Variants in ADAM22 observed in about 807,000 individuals in gnomAD.
The protein encoded by ADAM22 is ADAM metallopeptidase domain 22.
Under a neutral mutation model 144.6 loss-of-function variants are expected in ADAM22, and 65 were observed. That is an observed-to-expected ratio of 0.45 (90% CI 0.37 to 0.55). The LOEUF (loss-of-function observed/expected upper bound fraction) is 0.55. Among genes scored for constraint, ADAM22 ranks in the 20% least tolerant of loss-of-function variants. The pLI is 0.00. For synonymous variants in ADAM22, 391 were observed against 412.6 expected, an observed-to-expected ratio of 0.95 and a Z score of 0.63; for missense variants, 974 against 1,184.9, an observed-to-expected ratio of 0.82 and a Z score of 2.61.
chr7:87,982,778 T>A (rs1464457482), intron 3 of ADAM22, among the ~76,000 whole-genome samples: 1 of 147,726 alleles, frequency 6.8e-6, no homozygotes, highest in Non-Finnish European at 1.5e-5. Context: ...CACCACAATC[T>A]CTGCCTCCTG....
intron 12 of ADAM22, among the ~76,000 whole-genome samples, 187 bp from the exon 13 acceptor site, chr7:88,134,142 A>G (rs1035018281): frequency 1.4e-4 from 21 of 152,120 alleles, no homozygotes; most frequent in African/African-American, 4.3e-4. Context: ...CTAATCAAAC[A>G]TGGATTTTTG....
chr7:88,030,064 C>T (rs1441313405), intron 3 of ADAM22, among the ~76,000 whole-genome samples: 1 of 151,976 alleles, frequency 6.6e-6, no homozygotes, highest in East Asian at 1.9e-4. Context: ...TTCTACCTGC[C>T]CTCATCTCTA....
chr7:88,162,900 A>T, intron 22 of ADAM22, 112 bp from the exon 23 acceptor site: 1 of 1,093,110 alleles, frequency 9.1e-7, no homozygotes, highest in Non-Finnish European at 1.3e-6. Flanking sequence ...GGTCTTTAAT[A>T]AGTAATAAAT....
intron 2 of ADAM22, among the ~76,000 whole-genome samples, chr7:87,967,271 C>CA (rs1332649337): frequency 6.6e-6 from 1 of 152,066 alleles, no homozygotes; most frequent in Non-Finnish European, 1.5e-5. Context: ...ATAAAATCAA[C>CA]AGCAAGAATG....
rs1174053213 is a variant in ADAM22 at position 88,202,120 on chromosome 7, ACTTTT to A, written c.*5637_*5641del. Reference sequence around the variant, plus strand: ...GTATCACTGCCTGACTAGAAACCCCACTTTTCTTTTCTAATCCAGCACAAAATCAA... The same window carrying A: ...GTATCACTGCCTGACTAGAAACCCCACTTTTCTAATCCAGCACAAAATCAA... On this transcript the variant is annotated 3_prime_UTR_variant, in exon 32 of 32. Transcript: ENST00000413139. The A allele has an allele frequency of 1.3e-5, 2 of 152,136 alleles. No homozygotes were observed. Among genetic ancestry groups the A allele is most frequent in the East Asian group, 1.9e-4 (1 of 5,196 alleles). 9.4% of individuals were successfully genotyped at this position (152,136 alleles called of 1,614,324 possible).
At chr7:88,073,458 C>T (rs1813370431) in intron 3 of ADAM22, among the ~76,000 whole-genome samples, 1 of 152,160 alleles carries the variant, frequency 6.6e-6, no homozygotes. Context: ...CGTGAGCCAA[C>T]CCTGGAACTG....
chr7:88,038,686 C>T (rs1802146628), intron 3 of ADAM22, among the ~76,000 whole-genome samples: 1 of 151,930 alleles, frequency 6.6e-6, no homozygotes, highest in Admixed American at 6.6e-5. Flanking sequence ...ATCTCCTGAC[C>T]TCGTGATCCG....
At chr7:88,195,627 T>C (rs1372474764) in intron 31 of ADAM22, among the ~76,000 whole-genome samples, 1 of 152,168 alleles carries the variant, frequency 6.6e-6, no homozygotes, top group Non-Finnish European at 1.5e-5. Flanking sequence ...GCCATTCTCC[T>C]GCCTCAGCCT....
intron 6 of ADAM22, among the ~76,000 whole-genome samples, chr7:88,115,350 A>G (rs1585866094): frequency 6.6e-6 from 1 of 152,278 alleles, no homozygotes; most frequent in African/African-American, 2.4e-5. Flanking sequence ...GATCTGTCTT[A>G]GTTTGACTTG....
chr7:88,139,120 T>C (rs531160657), intron 14 of ADAM22, among the ~76,000 whole-genome samples: 23 of 152,302 alleles, frequency 1.5e-4, no homozygotes, highest in Non-Finnish European at 2.5e-4. Context: ...ACCAGTAGGA[T>C]AAAGAGGGAC....
At chr7:88,095,566 C>G (rs565831984) in intron 4 of ADAM22, among the ~76,000 whole-genome samples, 28 of 152,216 alleles carry the variant, frequency 1.8e-4, no homozygotes, top group African/African-American at 6.7e-4. Context: ...GTAAGCGCAT[C>G]CTCCACACAG....
At chr7:88,080,684 GA>G (rs1458741725) in intron 4 of ADAM22, among the ~76,000 whole-genome samples, 1 of 152,094 alleles carries the variant, frequency 6.6e-6, no homozygotes, top group Non-Finnish European at 1.5e-5. Context: ...CGATCCCACA[GA>G]AATACAAACT....
chr7:88,064,091 A>C (rs1275111771), intron 3 of ADAM22, among the ~76,000 whole-genome samples: 1 of 152,190 alleles, frequency 6.6e-6, no homozygotes, highest in African/African-American at 2.4e-5. Context: ...GTTAGTCCAG[A>C]TGTGAGCAGG....
intron 2 of ADAM22, among the ~76,000 whole-genome samples, chr7:87,958,856 C>T (rs898409563): frequency 2.0e-4 from 31 of 152,042 alleles, no homozygotes; most frequent in African/African-American, 6.8e-4. Flanking sequence ...TTTTTCTTGT[C>T]GATTTTTGGC....
At chr7:88,072,840 G>A (rs1468550614) in intron 3 of ADAM22, among the ~76,000 whole-genome samples, 1 of 152,142 alleles carries the variant, frequency 6.6e-6, no homozygotes, top group Non-Finnish European at 1.5e-5. Flanking sequence ...ACAGTCCTTT[G>A]CAAACACCTG....
intron 3 of ADAM22, among the ~76,000 whole-genome samples, chr7:88,058,011 G>C (rs1246943316): frequency 6.6e-6 from 1 of 152,134 alleles, no homozygotes. Flanking sequence ...TTCTGGCTAG[G>C]TATAGCAGAG....
At chr7:87,935,617 A>G (rs1043315881) in intron 2 of ADAM22, among the ~76,000 whole-genome samples, 14 of 152,222 alleles carry the variant, frequency 9.2e-5, no homozygotes, top group African/African-American at 2.9e-4. Context: ...TTGGAAAAAA[A>G]CAAGGCTAGA....
chr7:88,143,672 A>C (rs1425651254), intron 15 of ADAM22, among the ~76,000 whole-genome samples: 1 of 152,242 alleles, frequency 6.6e-6, no homozygotes, highest in Non-Finnish European at 1.5e-5. Context: ...CTGACTAGAA[A>C]GAAGGTCTTC....
chr7:88,178,940 T>A lies in ADAM22; in HGVS notation c.2306T>A (p.Leu769Ter), dbSNP rs367682089. ...AAATGTTTATTATGCCTTAGACAGT[T>A]ACCCCAGGGAGATTATGTAAAAAAG... ...GYKNYREQRQ[L>*]PQGDYVKKPG... The change falls in exon 27 of 32, where the codon TTA (leucine) becomes TAA (stop). Residue 769 changes from leucine to a stop codon, truncating the protein, a stop_gained. Coordinates refer to ENST00000413139, the MANE Select transcript of ADAM22 (RefSeq NM_001324418.2). LOFTEE classifies it high-confidence loss of function. 1.2e-6 allele frequency: 2 copies of A among 1,606,758 alleles called. No individual in the cohort carries two copies. The highest frequency in any genetic ancestry group is 1.7e-6 in the Non-Finnish European group (2 of 1,176,786).
Sources: gnomAD v4.1 joint callset for allele counts (sites outside exome capture counted in the v4.1 genomes callset) on GRCh38, gnomAD v4.1.1 for gene constraint, MANE v1.5 for transcripts, NCBI Gene and HGNC (gene_info 2026-07-23, HGNC 2026-07-21) for gene names.